Variants in DAD1 observed in about 807,000 individuals in gnomAD.
DAD1 encodes the protein dolichyl-diphosphooligosaccharide--protein glycosyltransferase subunit DAD1.
A neutral mutation model predicts 9.0 loss-of-function variants in DAD1; 4 were observed. The observed-to-expected ratio is 0.44, with a 90% CI of 0.22 to 1.01. The LOEUF (loss-of-function observed/expected upper bound fraction) is 1.01. Ranked by LOEUF, DAD1 falls within the 50% of genes least tolerant of loss-of-function variation. DAD1 has a pLI of 0.24. For missense variants in DAD1, 119 were observed against 137.3 expected, an observed-to-expected ratio of 0.87 and a Z score of 0.67; for synonymous variants, 60 against 62.5, an observed-to-expected ratio of 0.96 and a Z score of 0.19.
intron 2 of DAD1, among the ~76,000 whole-genome samples, chr14:22,571,607 G>A (rs1487358614): frequency 7.0e-6 from 1 of 142,766 alleles, no homozygotes; most frequent in African/African-American, 2.6e-5. Flanking sequence ...TTAGTTGTAA[G>A]ATTTCTAGCA....
At chr14:22,576,626 T>C (rs769595791) in intron 1 of DAD1, among the ~76,000 whole-genome samples, 1 of 152,216 alleles carries the variant, frequency 6.6e-6, no homozygotes, top group African/African-American at 2.4e-5. Flanking sequence ...AATTGGACTA[T>C]ATCAAAGTTT....
chr14:22,589,199 G>A lies in DAD1; in HGVS notation c.-42C>T, dbSNP rs369300549. 1.9e-5 allele frequency: 31 copies of A among 1,604,874 alleles called. No individual in the cohort carries two copies. The African/African-American group carries it at 3.6e-4, about 19-fold the overall frequency. The stretch of plus-strand genomic sequence containing the variant: ...CTCCGGTCCGCGCCCCAAACTCTTG[G>A]AGGACCCGTCGACCACACCGGATGT... On this transcript the variant is annotated 5_prime_UTR_variant, in exon 1 of 3. Transcript: ENST00000250498.
chr14:22,573,367 G>A (rs952119963), intron 2 of DAD1, among the ~76,000 whole-genome samples: 3 of 152,054 alleles, frequency 2.0e-5, no homozygotes, highest in Non-Finnish European at 4.4e-5. Flanking sequence ...TAGAAGGGGA[G>A]GGAGGAAGGG....
chr14:22,585,185 G>C (rs2037143890), intron 1 of DAD1, among the ~76,000 whole-genome samples: 1 of 152,184 alleles, frequency 6.6e-6, no homozygotes, highest in African/African-American at 2.4e-5. Context: ...ATTCAAACTG[G>C]TTTTGAATTT....
intron 2 of DAD1, among the ~76,000 whole-genome samples, chr14:22,568,914 GT>G (rs1435771804): frequency 6.6e-6 from 1 of 151,976 alleles, no homozygotes; most frequent in African/African-American, 2.4e-5. Flanking sequence ...ACCCATGCTG[GT>G]CTCAAACTCC....
At chr14:22,570,540 T>G (rs1415559616) in intron 2 of DAD1, among the ~76,000 whole-genome samples, 1 of 152,134 alleles carries the variant, frequency 6.6e-6, no homozygotes, top group East Asian at 1.9e-4. Flanking sequence ...TAGTAGCCGC[T>G]CAACACATGA....
intron 2 of DAD1, among the ~76,000 whole-genome samples, chr14:22,568,904 A>G (rs5742842): frequency 0.094 from 14,254 of 151,820 alleles, 1,227 homozygotes; most frequent in African/African-American, 0.23. Context: ...TTGCTATATC[A>G]CCCATGCTGG....
rs147132263 is a variant in DAD1 at position 22,585,666 on chromosome 14, T to C, written c.211+3281A>G. ...GTTAAGTCTCTCAGCTATGAGGGAA[T>C]AGAAGAAAACAGACTATTTTCATAC... On this transcript the variant is annotated intron_variant, in intron 1 of 2. Transcript: ENST00000250498. Among the ~76,000 whole-genome samples the C allele has an allele frequency of 4.5e-3, 690 of 152,318 alleles. 2 individuals are homozygous for C. The highest frequency in any genetic ancestry group is 0.011 in the Admixed American group (166 of 15,306).
intron 2 of DAD1, among the ~76,000 whole-genome samples, chr14:22,568,965 C>T (rs916108087): frequency 6.6e-6 from 1 of 152,176 alleles, no homozygotes; most frequent in Admixed American, 6.5e-5. Flanking sequence ...TCCCCAAGTG[C>T]TGGGATTACA....
chr14:22,585,337 T>C (rs757578908), intron 1 of DAD1, among the ~76,000 whole-genome samples: 3 of 152,246 alleles, frequency 2.0e-5, no homozygotes, highest in Non-Finnish European at 2.9e-5. Context: ...TAATGTTTTC[T>C]ACTTATCCCT....
intron 2 of DAD1, among the ~76,000 whole-genome samples, chr14:22,569,415 A>AGTGC (rs2037023196): frequency 2.0e-5 from 3 of 150,316 alleles, no homozygotes; most frequent in Non-Finnish European, 4.4e-5. Context: ...CCTGGACAAC[A>AGTGC]AAGCGAGACT....
chr14:22,588,911 A>T (rs761013665), intron 1 of DAD1, 36 bp downstream of exon 1: 2 of 1,605,208 alleles, frequency 1.2e-6, no homozygotes, highest in East Asian at 4.5e-5. Context: ...CACCAAAGTA[A>T]CACATTATTA....
intron 1 of DAD1, among the ~76,000 whole-genome samples, chr14:22,584,530 T>G (rs1027952396): frequency 4.2e-4 from 63 of 151,566 alleles, no homozygotes; most frequent in African/African-American, 1.4e-3. Flanking sequence ...CTGGGCAACA[T>G]AGCAAGACCT....
chr14:22,584,223 C>G (rs975212107), intron 1 of DAD1, among the ~76,000 whole-genome samples: 13 of 152,084 alleles, frequency 8.5e-5, no homozygotes, highest in Non-Finnish European at 1.3e-4. Context: ...GGCCTGCTCA[C>G]CATTTAACAT....
intron 1 of DAD1, among the ~76,000 whole-genome samples, chr14:22,586,000 A>C (rs575788529): frequency 1.1e-4 from 17 of 152,108 alleles, no homozygotes; most frequent in African/African-American, 4.1e-4. Context: ...AGGTCAGGAG[A>C]TCAAGACCAT....
intron 2 of DAD1, among the ~76,000 whole-genome samples, chr14:22,572,870 AG>A (rs1458005771): frequency 1.3e-5 from 2 of 152,204 alleles, no homozygotes; most frequent in Non-Finnish European, 2.9e-5. Context: ...AGGCTCTATC[AG>A]GAAGCCCAAG....
intron 1 of DAD1, among the ~76,000 whole-genome samples, chr14:22,580,136 G>C (rs908465882): frequency 6.6e-6 from 1 of 151,986 alleles, no homozygotes; most frequent in Non-Finnish European, 1.5e-5. Flanking sequence ...ATTTCACTTG[G>C]CCAGGGCATG....
intron 1 of DAD1, among the ~76,000 whole-genome samples, chr14:22,577,063 C>G: frequency 6.6e-6 from 1 of 152,100 alleles, no homozygotes; most frequent in Admixed American, 6.6e-5. Flanking sequence ...TGCGTTTCCT[C>G]AAAAAAATTA....
chr14:22,565,498 C>G (rs1007301598), intron 2 of DAD1, among the ~76,000 whole-genome samples: 3 of 152,096 alleles, frequency 2.0e-5, no homozygotes, highest in Non-Finnish European at 2.9e-5. Flanking sequence ...GTAGTTTAAC[C>G]TAAAGAGCTT....
Sources: gnomAD v4.1 joint callset for allele counts (sites outside exome capture counted in the v4.1 genomes callset) on GRCh38, gnomAD v4.1.1 for gene constraint, MANE v1.5 for transcripts, NCBI Gene and HGNC (gene_info 2026-07-23, HGNC 2026-07-21) for gene names.